CAP2: variants seen among roughly 807,000 people sequenced by gnomAD.
The protein encoded by CAP2 is cyclase associated actin cytoskeleton regulatory protein 2.
In CAP2, 24 loss-of-function variants were observed where a neutral mutation model predicts 57.7. That is an observed-to-expected ratio of 0.42 (90% CI 0.30 to 0.58). CAP2 has a LOEUF of 0.58. Ranked by LOEUF, CAP2 falls within the 20% of genes least tolerant of loss-of-function variation. The pLI, the probability that CAP2 is intolerant of heterozygous loss-of-function variation, is 0.22. For missense variants in CAP2, 501 were observed against 590.3 expected, an observed-to-expected ratio of 0.85 and a Z score of 1.57; for synonymous variants, 194 against 207.2, an observed-to-expected ratio of 0.94 and a Z score of 0.55.
intron 4 of CAP2, among the ~76,000 whole-genome samples, chr6:17,491,539 G>A (rs1210391373): frequency 2.0e-5 from 3 of 152,118 alleles, no homozygotes; most frequent in South Asian, 2.1e-4. Flanking sequence ...TTATGTAATC[G>A]TCATCAGAAC....
chr6:17,525,864 C>T (rs1017458208), intron 7 of CAP2, among the ~76,000 whole-genome samples: 6 of 152,164 alleles, frequency 3.9e-5, no homozygotes, highest in African/African-American at 9.7e-5. Flanking sequence ...GTGCCTGCCA[C>T]GTCTGGGAAC....
intron 1 of CAP2, among the ~76,000 whole-genome samples, chr6:17,414,315 T>C (rs953196994): frequency 1.6e-4 from 24 of 152,036 alleles, no homozygotes; most frequent in African/African-American, 5.8e-4. Flanking sequence ...ATGGGATACA[T>C]GTGCAGAACA....
intron 3 of CAP2, among the ~76,000 whole-genome samples, chr6:17,444,373 TCAC>T (rs1321394563): frequency 2.0e-5 from 3 of 152,260 alleles, no homozygotes; most frequent in Admixed American, 2.0e-4. Context: ...GCGTGGTGGC[TCAC>T]GCCTGTAATC....
At chr6:17,410,627 G>A (rs1023436849) in intron 1 of CAP2, among the ~76,000 whole-genome samples, 15 of 150,828 alleles carry the variant, frequency 9.9e-5, no homozygotes, top group Non-Finnish European at 1.8e-4. Context: ...GCATGATCTC[G>A]GCTCACTGCA....
intron 3 of CAP2, among the ~76,000 whole-genome samples, chr6:17,450,744 C>T (rs1760379905): frequency 6.6e-6 from 1 of 152,052 alleles, no homozygotes. Flanking sequence ...ACTATTTAGC[C>T]TTATTCAATA....
intron 11 of CAP2, among the ~76,000 whole-genome samples, chr6:17,549,991 A>G (rs1763133201): frequency 6.6e-6 from 1 of 152,244 alleles, no homozygotes; most frequent in African/African-American, 2.4e-5. Flanking sequence ...GGCAATAAAA[A>G]CAATTTAAAT....
At chr6:17,548,957 AT>A (rs1415988009) in intron 11 of CAP2, among the ~76,000 whole-genome samples, 3 of 152,224 alleles carry the variant, frequency 2.0e-5, no homozygotes, top group Non-Finnish European at 2.9e-5. Flanking sequence ...GAAAAATTTT[AT>A]GCCTCAGAGT....
At chr6:17,395,858 G>A (rs1758652395) in intron 1 of CAP2, among the ~76,000 whole-genome samples, 1 of 152,116 alleles carries the variant, frequency 6.6e-6, no homozygotes, top group South Asian at 2.1e-4. Context: ...AGATAGTTGT[G>A]AAAAGATAGC....
intron 7 of CAP2, among the ~76,000 whole-genome samples, chr6:17,528,326 G>A (rs530916068): frequency 1.2e-4 from 19 of 152,310 alleles, no homozygotes; most frequent in African/African-American, 3.8e-4. Context: ...GCATAAATTA[G>A]AGAAAAACAA....
intron 3 of CAP2, among the ~76,000 whole-genome samples, chr6:17,459,522 G>T (rs9477439): frequency 0.14 from 20,550 of 152,164 alleles, 4,496 homozygotes; most frequent in African/African-American, 0.46. Context: ...TAGAAAGACA[G>T]GGGCTTACCC....
chr6:17,487,720 C>CTT (rs1761453161), intron 4 of CAP2, among the ~76,000 whole-genome samples: 1 of 152,194 alleles, frequency 6.6e-6, no homozygotes, highest in South Asian at 2.1e-4. Flanking sequence ...ATCCACCCAC[C>CTT]TTGGCCTCCC....
chr6:17,551,877 C>T (rs1377251940), intron 12 of CAP2, among the ~76,000 whole-genome samples: 2 of 152,030 alleles, frequency 1.3e-5, no homozygotes, highest in Non-Finnish European at 2.9e-5. Context: ...CATCTGAGTT[C>T]GTATTAGGTA....
At chr6:17,444,813 C>CACA (rs1256930869) in intron 3 of CAP2, among the ~76,000 whole-genome samples, 1 of 146,092 alleles carries the variant, frequency 6.8e-6, no homozygotes, top group African/African-American at 2.5e-5. Context: ...TCCACACACA[C>CACA]ACACACACAC....
chr6:17,506,505 T>C (rs1761988728), intron 4 of CAP2, among the ~76,000 whole-genome samples: 1 of 152,048 alleles, frequency 6.6e-6, no homozygotes, highest in Non-Finnish European at 1.5e-5. Context: ...CTGGGCGTGG[T>C]GGCAGCCACC....
chr6:17,469,656 T>A (rs1333672705), intron 4 of CAP2, among the ~76,000 whole-genome samples: 1 of 152,140 alleles, frequency 6.6e-6, no homozygotes, highest in East Asian at 1.9e-4. Flanking sequence ...TGTCTTTATT[T>A]GAACTTGTAC....
chr6:17,539,220 A>C, intron 7 of CAP2, 49 bp from the exon 8 acceptor site: 1 of 1,536,920 alleles, frequency 6.5e-7, no homozygotes, highest in South Asian at 1.2e-5. Flanking sequence ...AAATCCCAGC[A>C]AGGGCGCAGT....
intron 1 of CAP2, among the ~76,000 whole-genome samples, chr6:17,407,526 C>T (rs1031062294): frequency 6.6e-6 from 1 of 151,382 alleles, no homozygotes; most frequent in Non-Finnish European, 1.5e-5. Context: ...CCTGTAATCC[C>T]AGCACTTTTG....
At chr6:17,398,527 A>G (rs1448770994) in intron 1 of CAP2, among the ~76,000 whole-genome samples, 16 of 143,058 alleles carry the variant, frequency 1.1e-4, no homozygotes, top group Admixed American at 9.8e-4. Flanking sequence ...ACGATTTTAA[A>G]CTTTTTTTTT....
At chr6:17,511,439 G>T (rs533599627) in intron 6 of CAP2, among the ~76,000 whole-genome samples, 1 of 151,934 alleles carries the variant, frequency 6.6e-6, no homozygotes, top group Non-Finnish European at 1.5e-5. Context: ...CTGCTCATTG[G>T]CTGTTTTTCT....
Sources: allele counts gnomAD v4.1 joint callset (sites outside exome capture counted in the v4.1 genomes callset), GRCh38; gene constraint gnomAD v4.1.1; transcripts MANE v1.5; gene names NCBI Gene and HGNC (gene_info 2026-07-23, HGNC 2026-07-21).